POM121C: variants seen among roughly 807,000 people sequenced by gnomAD.
POM121C encodes the protein nuclear envelope pore membrane protein POM 121C.
A neutral mutation model predicts 66.4 loss-of-function variants in POM121C; 20 were observed. The observed-to-expected ratio is 0.30, with a 90% CI of 0.21 to 0.44. The LOEUF (loss-of-function observed/expected upper bound fraction) is 0.44. Ranked by LOEUF, POM121C falls within the 20% of genes least tolerant of loss-of-function variation. POM121C has a pLI of 1.00. For synonymous variants in POM121C, 286 were observed against 528.0 expected, an observed-to-expected ratio of 0.54 and a Z score of 6.28; for missense variants, 580 against 1,225.7, an observed-to-expected ratio of 0.47 and a Z score of 7.87.
At chr7:75,419,224 T>C (rs1385549647) in intron 14 of POM121C, 96 bp downstream of exon 14, 14 of 1,480,394 alleles carry the variant, frequency 9.5e-6, no homozygotes, top group Non-Finnish European at 1.2e-5. Context: ...GTGCTGAACC[T>C]GATCTTCACG....
At chr7:75,471,924 C>T (rs757789773) in intron 3 of POM121C, among the ~76,000 whole-genome samples, 3 of 152,042 alleles carry the variant, frequency 2.0e-5, no homozygotes, top group African/African-American at 4.8e-5. Context: ...CTGGCTCTGT[C>T]GCCCAGGCTG....
chr7:75,465,881 GTGAC>G (rs1791620546), intron 3 of POM121C, among the ~76,000 whole-genome samples: 1 of 106,354 alleles, frequency 9.4e-6, no homozygotes, highest in Non-Finnish European at 1.7e-5. Flanking sequence ...AGGCAACAGA[GTGAC>G]ACCCTGTCTC....
intron 9 of POM121C, 161 bp downstream of exon 9, chr7:75,425,474 G>C: frequency 7.5e-7 from 1 of 1,325,616 alleles, no homozygotes. Flanking sequence ...TCCCTCATCA[G>C]ACTATAAACT....
At chr7:75,453,531 G>A (rs1329717108) in intron 3 of POM121C, among the ~76,000 whole-genome samples, 3 of 150,030 alleles carry the variant, frequency 2.0e-5, no homozygotes, top group Admixed American at 6.7e-5. Context: ...GTGGTGAGCC[G>A]AGATCATGCC....
At chr7:75,477,536 A>G (rs1343469045) in intron 1 of POM121C, among the ~76,000 whole-genome samples, 1 of 152,156 alleles carries the variant, frequency 6.6e-6, no homozygotes, top group East Asian at 1.9e-4. Flanking sequence ...AAAATACCAA[A>G]AAGCTTTTTC....
intron 3 of POM121C, among the ~76,000 whole-genome samples, chr7:75,458,926 C>A (rs1166504099): frequency 1.6e-4 from 24 of 151,722 alleles, no homozygotes; most frequent in Non-Finnish European, 2.4e-4. Flanking sequence ...ATAAATGGCC[C>A]AAGAAGTAAT....
At chr7:75,472,633 C>T (rs1584712026) in intron 3 of POM121C, among the ~76,000 whole-genome samples, 2 of 151,962 alleles carry the variant, frequency 1.3e-5, no homozygotes, top group Non-Finnish European at 2.9e-5. Flanking sequence ...GGTGAAACCC[C>T]GTCTCTACTA....
At chr7:75,437,833 C>G in intron 6 of POM121C, 147 bp from the exon 7 acceptor site, 1 of 1,355,578 alleles carries the variant, frequency 7.4e-7, no homozygotes, top group South Asian at 1.9e-5. Flanking sequence ...CCAAATCTAT[C>G]TGACAAAGTC....
chr7:75,476,204 T>C (rs1395625717), intron 1 of POM121C, among the ~76,000 whole-genome samples: 1 of 151,406 alleles, frequency 6.6e-6, no homozygotes, highest in Non-Finnish European at 1.5e-5. Context: ...GGCAGGAGGA[T>C]GGCTTGAGCC....
At chr7:75,481,519 G>C (rs371789690) in intron 1 of POM121C, among the ~76,000 whole-genome samples, 11,080 of 152,156 alleles carry the variant, frequency 0.073, 508 homozygotes, top group Non-Finnish European at 0.1. Flanking sequence ...AACAAATAGA[G>C]AATAGAAATT....
chr7:75,450,794 C>A (rs1554475462), intron 3 of POM121C, among the ~76,000 whole-genome samples: 1 of 152,216 alleles, frequency 6.6e-6, no homozygotes, highest in East Asian at 1.9e-4. Flanking sequence ...TGAGAAGAAT[C>A]ATCTAAATGC....
In POM121C at chr7:75,418,576, C is replaced by A; in HGVS notation, c.*220G>T. On this transcript the variant is annotated 3_prime_UTR_variant, in exon 15 of 15. Coordinates refer to ENST00000615331, the MANE Select transcript of POM121C (RefSeq NM_001099415.3). ...CAGTGGAACTGTTCAAGTAGAGGTC[C>A]CGGGCTTTGGCCCTCCGCATCCTGC... is the stretch of plus-strand genomic sequence containing the variant. 1 of 1,351,830 alleles carries A rather than the reference C, an allele frequency of 7.4e-7. No individual in the cohort carries two copies. The highest frequency in any genetic ancestry group is 9.5e-7 in the Non-Finnish European group (1 of 1,048,330). 83.7% of individuals were successfully genotyped at this position (1,351,830 alleles called of 1,614,324 possible).
In POM121C at chr7:75,486,026, G is replaced by A. The variant is rs1419364720; in HGVS notation, c.-620C>T. ...CCGGGCCTACGGGGCAAATCCAGGC[G>A]GGTGTCCTTCTCGGGGCCCAGATCC... On this transcript the variant is annotated 5_prime_UTR_variant, in exon 1 of 15. Coordinates refer to ENST00000615331, the MANE Select transcript of POM121C (RefSeq NM_001099415.3). 2.1e-6 allele frequency: 1 copy of A among 465,210 alleles called. No homozygotes were observed. The allele number at this position is 465,210 out of a possible 1,614,324, so 28.8% of individuals were successfully genotyped here.
intron 7 of POM121C, among the ~76,000 whole-genome samples, chr7:75,435,142 A>G (rs1246364978): frequency 6.6e-6 from 1 of 152,234 alleles, no homozygotes; most frequent in African/African-American, 2.4e-5. Flanking sequence ...TTGCAGCATT[A>G]TTTGTGATAG....
chr7:75,448,502 G>GAA (rs61223131), intron 3 of POM121C, among the ~76,000 whole-genome samples: 1,941 of 78,840 alleles, frequency 0.025, 80 homozygotes, highest in African/African-American at 0.092. Flanking sequence ...AACAGAAACA[G>GAA]AAAAAAAAAA....
chr7:75,467,561 T>C (rs1311039791), intron 3 of POM121C, among the ~76,000 whole-genome samples: 2 of 136,492 alleles, frequency 1.5e-5, no homozygotes, highest in Non-Finnish European at 3.2e-5. Context: ...AAAAATGTAA[T>C]ATAAAGCAGG....
intron 3 of POM121C, among the ~76,000 whole-genome samples, chr7:75,453,682 G>A (rs1401225060): frequency 6.6e-6 from 1 of 151,712 alleles, no homozygotes; most frequent in African/African-American, 2.4e-5. Context: ...AAAACATAGT[G>A]GCAAAAAACA....
At chr7:75,463,446 T>TA (rs1554477315) in intron 3 of POM121C, among the ~76,000 whole-genome samples, 1 of 150,880 alleles carries the variant, frequency 6.6e-6, no homozygotes, top group Non-Finnish European at 1.5e-5. Context: ...GAGCTGGGTT[T>TA]TTCTTTTTTT....
rs3973309 is a variant in POM121C, at chr7:75,418,739, C to G, written c.*57G>C. On this transcript the variant is annotated 3_prime_UTR_variant, in exon 15 of 15. Coordinates refer to ENST00000615331, the MANE Select transcript of POM121C (RefSeq NM_001099415.3). Reference sequence around the variant, plus strand: ...GAAGGGTCCAAGGCTCTTTCTAGCACGTGCCAAGGTCCAGATTTAGGGAAG... The same window carrying G: ...GAAGGGTCCAAGGCTCTTTCTAGCAGGTGCCAAGGTCCAGATTTAGGGAAG... 847 of 1,542,168 alleles carry G rather than the reference C, an allele frequency of 5.5e-4. 4 individuals carry two copies. In the African/African-American group the frequency reaches 9.9e-3, roughly 18 times the overall value.
Sources: gnomAD v4.1 joint callset for allele counts (sites outside exome capture counted in the v4.1 genomes callset) on GRCh38, gnomAD v4.1.1 for gene constraint, MANE v1.5 for transcripts, NCBI Gene and HGNC (gene_info 2026-07-23, HGNC 2026-07-21) for gene names.